COL13A1: variants seen among roughly 807,000 people sequenced by gnomAD.
COL13A1 encodes collagen type XIII alpha 1 chain, also known as collagen alpha-1(XIII) chain.
COL13A1 carries 89 observed loss-of-function variants against 130.9 expected under a neutral mutation model. The observed-to-expected ratio is 0.68, with a 90% CI of 0.57 to 0.81. The LOEUF (loss-of-function observed/expected upper bound fraction) is 0.81, where lower values mean the gene tolerates loss of function less well. Among genes scored for constraint, COL13A1 ranks in the 30% least tolerant of loss-of-function variants. The pLI is 0.00. For missense variants in COL13A1, 879 were observed against 934.6 expected (o/e 0.94, Z 0.78); for synonymous variants, 402 against 341.6 (o/e 1.18, Z -1.95).
chr10:69,880,670 C>A (rs2060043613), intron 7 of COL13A1, 117 bp downstream of exon 7: 1 of 1,073,694 alleles, frequency 9.3e-7, no homozygotes, highest in Non-Finnish European at 1.4e-6. Context: ...GTGGGGAGGC[C>A]ACCGCATGTG....
chr10:69,943,040 G>T (rs572164792), intron 35 of COL13A1, among the ~76,000 whole-genome samples: 3 of 152,306 alleles, frequency 2.0e-5, no homozygotes, highest in Non-Finnish European at 2.9e-5. Flanking sequence ...TAGAGTTGGG[G>T]TTTCGCCATG....
chr10:69,878,206 C>G (rs572429953), intron 6 of COL13A1, 141 bp downstream of exon 6: 1 of 633,982 alleles, frequency 1.6e-6, no homozygotes, highest in African/African-American at 1.8e-5. Flanking sequence ...CTGCCTCTCA[C>G]GGCCCCGTTT....
intron 2 of COL13A1, among the ~76,000 whole-genome samples, chr10:69,850,419 G>GC (rs1160623911): frequency 7.0e-6 from 1 of 142,184 alleles, no homozygotes; most frequent in African/African-American, 2.6e-5. Context: ...GACATCAGGA[G>GC]AGGACCTGGA....
chr10:69,925,910 G>T (rs1171632891), intron 26 of COL13A1, 38 bp downstream of exon 26: 2 of 1,521,736 alleles, frequency 1.3e-6, no homozygotes, highest in Admixed American at 1.9e-5. Context: ...GATCCTCATG[G>T]ATCTCAGGCT....
intron 1 of COL13A1, among the ~76,000 whole-genome samples, chr10:69,821,133 C>T (rs1845972012): frequency 6.6e-6 from 1 of 152,204 alleles, no homozygotes; most frequent in African/African-American, 2.4e-5. Flanking sequence ...CCTGGCCAGC[C>T]AGAGCACAGG....
intron 17 of COL13A1, 102 bp from the exon 18 acceptor site, chr10:69,917,187 A>C: frequency 1.4e-6 from 2 of 1,434,894 alleles, no homozygotes; most frequent in Non-Finnish European, 1.9e-6. Flanking sequence ...TGAACCGGAC[A>C]GCCATCCCAG....
In COL13A1 at chr10:69,887,445, T is replaced by C. The variant is rs757740109; in HGVS notation, c.514-11T>C. ...CTCAATCTCATGTGTCTCTTGTTTT[T>C]TTTTTTTCAGGGTCAACCAGGAACT... On this transcript the variant is annotated splice_polypyrimidine_tract_variant and intron_variant, in intron 7 of 40. Transcript: ENST00000645393. The C allele has an allele frequency of 1.9e-6, 3 of 1,613,070 alleles. No individual in the cohort carries two copies. In the South Asian group the frequency reaches 3.3e-5, roughly 18 times the overall value.
intron 6 of COL13A1, among the ~76,000 whole-genome samples, chr10:69,878,535 G>A (rs373043564): frequency 2.6e-5 from 4 of 151,924 alleles, no homozygotes; most frequent in Admixed American, 2.0e-4. Flanking sequence ...AGGCTGGAGC[G>A]CAGTGGCGAG....
chr10:69,898,438 G>A (rs758841882), intron 13 of COL13A1, among the ~76,000 whole-genome samples: 1 of 152,248 alleles, frequency 6.6e-6, no homozygotes, highest in Non-Finnish European at 1.5e-5. Flanking sequence ...GAGGCCGGGT[G>A]TGGACTGAGG....
At chr10:69,951,427 A>T (rs10999053) in intron 38 of COL13A1, among the ~76,000 whole-genome samples, 13,635 of 152,070 alleles carry the variant, frequency 0.09, 1,172 homozygotes, top group African/African-American at 0.23. Flanking sequence ...TGGTGCAATC[A>T]TGGTTGACTG....
chr10:69,917,461 C>A, intron 18 of COL13A1, 128 bp downstream of exon 18: 2 of 804,700 alleles, frequency 2.5e-6, no homozygotes, highest in South Asian at 1.8e-5. Flanking sequence ...TGCCCTGGTT[C>A]TCCCAGCTGC....
At chr10:69,940,796 G>A (rs916999017) in intron 34 of COL13A1, among the ~76,000 whole-genome samples, 192 bp from the exon 35 acceptor site, 1 of 152,196 alleles carries the variant, frequency 6.6e-6, no homozygotes, top group African/African-American at 2.4e-5. Context: ...GTGTCTCCAT[G>A]TTTTCGTTGG....
At chr10:69,912,971 C>T (rs2063540802) in intron 17 of COL13A1, among the ~76,000 whole-genome samples, 1 of 152,216 alleles carries the variant, frequency 6.6e-6, no homozygotes, top group African/African-American at 2.4e-5. Flanking sequence ...CCTATCAATG[C>T]TGTGTGGTGC....
intron 2 of COL13A1, among the ~76,000 whole-genome samples, chr10:69,850,579 A>C (rs889689722): frequency 1.3e-5 from 2 of 151,034 alleles, no homozygotes; most frequent in Non-Finnish European, 2.9e-5. Flanking sequence ...TGCTCAGGGT[A>C]CTGCTTTTCT....
intron 2 of COL13A1, among the ~76,000 whole-genome samples, chr10:69,822,942 A>G (rs529311141): frequency 5.2e-5 from 8 of 152,386 alleles, no homozygotes; most frequent in Admixed American, 5.2e-4. Flanking sequence ...GCTACATGCA[A>G]CACACACATG....
intron 2 of COL13A1, among the ~76,000 whole-genome samples, chr10:69,836,471 C>T (rs1365949845): frequency 6.6e-6 from 1 of 152,220 alleles, no homozygotes; most frequent in Non-Finnish European, 1.5e-5. Context: ...TGGTGAGAGG[C>T]CCTCCTACCA....
chr10:69,939,652 T>C (rs1037988620), intron 34 of COL13A1, among the ~76,000 whole-genome samples: 9 of 152,264 alleles, frequency 5.9e-5, no homozygotes, highest in Admixed American at 5.9e-4. Flanking sequence ...GGCTGCACAC[T>C]GGAATCCCCT....
intron 2 of COL13A1, among the ~76,000 whole-genome samples, chr10:69,848,304 C>T (rs958995141): frequency 1.3e-5 from 2 of 152,186 alleles, no homozygotes; most frequent in Non-Finnish European, 2.9e-5. Flanking sequence ...TCCTGGATGG[C>T]TTAGTAATAA....
At position 69,831,872 on chromosome 10, in the gene COL13A1, T is replaced by G. The variant is rs79610696; in HGVS notation, c.364+9434T>G. On this transcript the variant is annotated intron_variant, in intron 2 of 40. Coordinates refer to ENST00000645393, the MANE Select transcript of COL13A1 (RefSeq NM_001368882.1). The stretch of plus-strand genomic sequence containing the variant: ...TCCTTGTTAGTCATGGTACTGTGGA[T>G]GGGTTACTCTCTTGACCTCACATAA... Among the ~76,000 whole-genome samples, 14 of 152,296 alleles carry G rather than the reference T, an allele frequency of 9.2e-5. No homozygotes were observed. The East Asian group carries it at 2.7e-3, about 29-fold the overall frequency.
Sources: allele counts gnomAD v4.1 joint callset (sites outside exome capture counted in the v4.1 genomes callset), GRCh38; gene constraint gnomAD v4.1.1; transcripts MANE v1.5; gene names NCBI Gene and HGNC (gene_info 2026-07-23, HGNC 2026-07-21).